WWP2: variants seen among roughly 807,000 people sequenced by gnomAD.
The protein encoded by WWP2 is WW domain containing E3 ubiquitin protein ligase 2.
Under a neutral mutation model 121.0 loss-of-function variants are expected in WWP2, and 57 were observed. The ratio of observed to expected loss-of-function variants is 0.47; its 90% confidence interval spans 0.38 to 0.59. The LOEUF (loss-of-function observed/expected upper bound fraction) is 0.59, where lower values mean the gene tolerates loss of function less well. Among genes scored for constraint, WWP2 ranks in the 20% least tolerant of loss-of-function variants. The pLI, the probability that WWP2 is intolerant of heterozygous loss-of-function variation, is 0.00. For missense variants in WWP2, 962 were observed against 1,158.9 expected (o/e 0.83, Z 2.47); for synonymous variants, 449 against 441.3 (o/e 1.02, Z -0.22).
At chr16:69,845,424 G>A (rs1013813682) in intron 6 of WWP2, among the ~76,000 whole-genome samples, 1 of 152,170 alleles carries the variant, frequency 6.6e-6, no homozygotes, top group Non-Finnish European at 1.5e-5. Context: ...CTTTCTGGGG[G>A]CAGAGAGAAT....
intron 6 of WWP2, among the ~76,000 whole-genome samples, chr16:69,856,271 G>T (rs1046046102): frequency 6.6e-6 from 1 of 152,132 alleles, no homozygotes; most frequent in Non-Finnish European, 1.5e-5. Flanking sequence ...TCTAGGGACA[G>T]AAATCCAATC....
chr16:69,918,216 C>T (rs894215583), intron 10 of WWP2, among the ~76,000 whole-genome samples: 7 of 152,160 alleles, frequency 4.6e-5, no homozygotes, highest in Non-Finnish European at 1.0e-4. Context: ...TGACTTCTCC[C>T]ATCCCTCACC....
chr16:69,928,971 A>T (rs2058674982), intron 11 of WWP2, among the ~76,000 whole-genome samples: 1 of 152,148 alleles, frequency 6.6e-6, no homozygotes, highest in Non-Finnish European at 1.5e-5. Flanking sequence ...AAATGCAGCC[A>T]CTCCATAAGG....
At chr16:69,790,384 G>A (rs889473805) in intron 2 of WWP2, among the ~76,000 whole-genome samples, 51 of 152,152 alleles carry the variant, frequency 3.4e-4, no homozygotes, top group Non-Finnish European at 1.5e-4. Flanking sequence ...TATTTATTCA[G>A]TGGAAGTGGG....
intron 4 of WWP2, 150 bp from the exon 5 acceptor site, chr16:69,839,974 CTT>C: frequency 1.8e-6 from 2 of 1,090,370 alleles, no homozygotes; most frequent in Non-Finnish European, 2.6e-6. Context: ...CCTTCCCACT[CTT>C]TTTTCCATGC....
chr16:69,937,310 G>C lies in WWP2; in HGVS notation c.2238+72G>C. On this transcript the variant is annotated intron_variant, in intron 20 of 23. Transcript: ENST00000359154. This position sits in a 1 kb window ranked among gnomAD's most constrained non-coding sequence, Gnocchi z 6.6. ...GATCCTGCTCTGTGATACGCTCACT[G>C]TGTACCCACAGACACTCAGCGTAAA... 1 of 1,582,898 alleles carries C rather than the reference G, an allele frequency of 6.3e-7. No individual in the cohort carries two copies. Among genetic ancestry groups the C allele is most frequent in the Non-Finnish European group, 8.6e-7 (1 of 1,163,888 alleles).
chr16:69,810,073 G>A (rs562313133), intron 4 of WWP2, among the ~76,000 whole-genome samples: 1 of 152,304 alleles, frequency 6.6e-6, no homozygotes, highest in South Asian at 2.1e-4. Context: ...CTTTTCCTGG[G>A]GAAGGACCTG....
chr16:69,852,160 T>C (rs1202328381), intron 6 of WWP2, among the ~76,000 whole-genome samples: 1 of 152,210 alleles, frequency 6.6e-6, no homozygotes, highest in Non-Finnish European at 1.5e-5. Context: ...AGAGTTCCTG[T>C]TGCTCCACAT....
Position 69,871,798 on chromosome 16 carries a change from C to G in WWP2, c.576-6C>G. The G allele has an allele frequency of 6.2e-7, 1 of 1,613,952 alleles. No homozygotes were observed. The highest frequency in any genetic ancestry group is 8.5e-7 in the Non-Finnish European group (1 of 1,179,974). On this transcript the variant is annotated splice_region_variant and splice_polypyrimidine_tract_variant and intron_variant, in intron 6 of 23. Transcript: ENST00000359154. Reference sequence around the variant, plus strand: ...TGTCTGTCTGCTTTCTACTTTGAACCCCCAGGACGCACAGACATTCGGGTG... The same window carrying G: ...TGTCTGTCTGCTTTCTACTTTGAACGCCCAGGACGCACAGACATTCGGGTG...
intron 8 of WWP2, among the ~76,000 whole-genome samples, chr16:69,896,783 A>G (rs1376367468): frequency 6.6e-6 from 1 of 151,558 alleles, no homozygotes; most frequent in Non-Finnish European, 1.5e-5. Flanking sequence ...AAGTGTTTCT[A>G]AGGTGCTGGG....
intron 1 of WWP2, 92 bp from the exon 2 acceptor site, chr16:69,786,904 T>C (rs1327048317): frequency 1.7e-6 from 2 of 1,156,354 alleles, no homozygotes; most frequent in African/African-American, 3.1e-5. Flanking sequence ...TTTTCTTGCC[T>C]GTTTCTTTAA....
intron 7 of WWP2, 98 bp downstream of exon 7, chr16:69,872,029 G>T: frequency 1.3e-6 from 2 of 1,484,112 alleles, no homozygotes; most frequent in Admixed American, 2.3e-5. Context: ...CAGAATAGAG[G>T]GTGGGCGTCA....
At chr16:69,775,524 A>G (rs541755857) in intron 1 of WWP2, among the ~76,000 whole-genome samples, 4 of 152,276 alleles carry the variant, frequency 2.6e-5, no homozygotes, top group Admixed American at 2.6e-4. Flanking sequence ...TAGTTGCTAT[A>G]TCTCTCCTTA....
At chr16:69,873,846 T>C (rs1024507112) in intron 7 of WWP2, among the ~76,000 whole-genome samples, 17 of 152,218 alleles carry the variant, frequency 1.1e-4, no homozygotes, top group Admixed American at 1.0e-3. Flanking sequence ...ATAAAAACTA[T>C]TGGTGAATTG....
intron 2 of WWP2, among the ~76,000 whole-genome samples, chr16:69,797,845 G>A (rs951873354): frequency 1.3e-5 from 2 of 151,884 alleles, no homozygotes; most frequent in Admixed American, 6.6e-5. Context: ...CCGAGATTGT[G>A]GCATTACACT....
At chr16:69,917,592 C>A in intron 9 of WWP2, 117 bp from the exon 10 acceptor site, 1 of 1,253,782 alleles carries the variant, frequency 8.0e-7, no homozygotes, top group Non-Finnish European at 1.1e-6. Flanking sequence ...TCAGCTAAGC[C>A]CCAGCAACCT....
Position 69,925,334 on chromosome 16 carries a change from G to A in WWP2, c.1180-96G>A, listed in dbSNP as rs1597169718. 2 of 1,562,682 alleles carry A rather than the reference G, an allele frequency of 1.3e-6. No homozygotes were observed. Among genetic ancestry groups the A allele is most frequent in the South Asian group, 2.4e-5 (2 of 83,158 alleles). ...CCCTGCAAAGCGCTCAAATGTGGAA[G>A]CCAGTCATTGGCATTTTTATTTTTT... is the stretch of plus-strand genomic sequence containing the variant. On this transcript the variant is annotated intron_variant, in intron 10 of 23. Transcript: ENST00000359154. The surrounding 1 kb of genome is among the most constrained non-coding windows in gnomAD (Gnocchi z 4.0).
intron 4 of WWP2, among the ~76,000 whole-genome samples, chr16:69,834,936 A>G (rs975999460): frequency 9.9e-5 from 15 of 152,166 alleles, no homozygotes; most frequent in Non-Finnish European, 1.6e-4. Flanking sequence ...TAAATGCTCT[A>G]GGAGCACAGA....
chr16:69,774,518 A>G (rs2055483299), intron 1 of WWP2, among the ~76,000 whole-genome samples: 1 of 152,148 alleles, frequency 6.6e-6, no homozygotes, highest in African/African-American at 2.4e-5. Flanking sequence ...TGGCCTCCTA[A>G]GGTGCTGGGA....
Sources: allele counts gnomAD v4.1 joint callset (sites outside exome capture counted in the v4.1 genomes callset), GRCh38; gene constraint gnomAD v4.1.1; non-coding constraint Gnocchi (gnomAD v3.1); transcripts MANE v1.5; gene names NCBI Gene and HGNC (gene_info 2026-07-23, HGNC 2026-07-21).